RP1: variants seen among roughly 807,000 people sequenced by gnomAD.
RP1 encodes the protein RP1 axonemal microtubule associated.
Under a neutral mutation model 14.8 loss-of-function variants are expected in RP1, and 16 were observed. The ratio of observed to expected loss-of-function variants is 1.08; its 90% confidence interval spans 0.73 to 1.65. The LOEUF (loss-of-function observed/expected upper bound fraction) is 1.65. Among genes scored for constraint, RP1 ranks in the 40% most tolerant of loss-of-function variants. The pLI, the probability that RP1 is intolerant of heterozygous loss-of-function variation, is 0.00. For synonymous variants in RP1, 876 were observed against 883.6 expected, an observed-to-expected ratio of 0.99 and a Z score of 0.15; for missense variants, 2,631 against 2,535.0, an observed-to-expected ratio of 1.04 and a Z score of -0.81.
intron 24 of RP1, among the ~76,000 whole-genome samples, chr8:54,832,367 T>C (rs1811550898): frequency 6.6e-6 from 1 of 151,904 alleles, no homozygotes; most frequent in South Asian, 2.1e-4. Flanking sequence ...TTCTATTAAC[T>C]GTCTTCAAGT....
At chr8:54,758,229 T>C (rs1051098732) in intron 21 of RP1, among the ~76,000 whole-genome samples, 1 of 152,150 alleles carries the variant, frequency 6.6e-6, no homozygotes, top group African/African-American at 2.4e-5. Flanking sequence ...TCGACAACAA[T>C]CTACGAGAAA....
chr8:54,622,424 A>G, intron 3 of RP1, 136 bp downstream of exon 3: 1 of 749,336 alleles, frequency 1.3e-6, no homozygotes, highest in South Asian at 1.6e-5. Flanking sequence ...AAAACATTCT[A>G]AACTGAAATT....
chr8:54,769,859 C>A, exon 23 of RP1: 1 of 1,182,296 alleles, frequency 8.5e-7, no homozygotes, highest in Non-Finnish European at 1.2e-6. Flanking sequence ...TACATCTGGA[C>A]ATCATGGAAC....
At chr8:54,670,706 T>TATA (rs1283419569) in intron 7 of RP1, among the ~76,000 whole-genome samples, 1 of 109,832 alleles carries the variant, frequency 9.1e-6, no homozygotes, top group African/African-American at 3.2e-5. Context: ...TATATATATA[T>TATA]AAAACATTAA....
At chr8:54,853,344 A>G (rs1049214478) in intron 26 of RP1, among the ~76,000 whole-genome samples, 2 of 152,132 alleles carry the variant, frequency 1.3e-5, no homozygotes, top group Admixed American at 6.6e-5. Context: ...GCAGTGAAGG[A>G]AGGCAGAGAG....
intron 1 of RP1, chr8:54,560,736 C>G (rs571097687): frequency 3.3e-5 from 5 of 152,052 alleles, no homozygotes; most frequent in Admixed American, 1.3e-4. Flanking sequence ...CCACAACACA[C>G]AGTGCTTAGC....
intron 22 of RP1, among the ~76,000 whole-genome samples, chr8:54,762,221 G>A (rs537218249): frequency 2.0e-5 from 3 of 152,254 alleles, no homozygotes; most frequent in African/African-American, 7.2e-5. Context: ...GCTCCTTGGA[G>A]TTTCCTCAGA....
chr8:54,681,225 GA>G (rs1162391242), intron 12 of RP1, among the ~76,000 whole-genome samples: 1 of 152,004 alleles, frequency 6.6e-6, no homozygotes, highest in Non-Finnish European at 1.5e-5. Flanking sequence ...TGTTAAATCA[GA>G]AACAGTGAAG....
intron 24 of RP1, among the ~76,000 whole-genome samples, chr8:54,816,625 C>G (rs1811137671): frequency 6.6e-6 from 1 of 152,196 alleles, no homozygotes; most frequent in Admixed American, 6.5e-5. Flanking sequence ...TTCTCTTGCC[C>G]AGACTCATGT....
intron 24 of RP1, among the ~76,000 whole-genome samples, chr8:54,835,485 G>A (rs1015434335): frequency 6.6e-6 from 1 of 152,074 alleles, no homozygotes; most frequent in Non-Finnish European, 1.5e-5. Context: ...ATTTATGATG[G>A]CCAAACTTAG....
Position 54,622,290 on chromosome 8 carries a change from T to G in RP1, c.787+2T>G, listed in dbSNP as rs1489761807. Reference sequence around the variant, plus strand: ...ATGCAAAGTCAGAAAGCAGAAAGAGTAAGTCACTTATTAATATATAGCCCA... The same window carrying G: ...ATGCAAAGTCAGAAAGCAGAAAGAGGAAGTCACTTATTAATATATAGCCCA... On this transcript the variant is annotated splice_donor_variant, in intron 3 of 3. Coordinates refer to ENST00000220676, the MANE Select transcript of RP1 (RefSeq NM_006269.2). LOFTEE classifies it high-confidence loss of function. 2 of 1,613,602 alleles carry G rather than the reference T, an allele frequency of 1.2e-6. No individual in the cohort carries two copies. Among genetic ancestry groups the G allele is most frequent in the Non-Finnish European group, 1.7e-6 (2 of 1,179,882 alleles).
chr8:54,605,585 G>C (rs1245243186), intron 1 of RP1, among the ~76,000 whole-genome samples: 1 of 152,052 alleles, frequency 6.6e-6, no homozygotes, highest in African/African-American at 2.4e-5. Context: ...TTCAGTTCCT[G>C]GATATCCTTG....
downstream of RP1, among the ~76,000 whole-genome samples, chr8:54,635,832 T>G (rs187998488): frequency 4.9e-4 from 74 of 152,248 alleles, no homozygotes; most frequent in African/African-American, 1.7e-3. Flanking sequence ...CTTATTTCTT[T>G]AAATTAGCCC....
intron 24 of RP1, among the ~76,000 whole-genome samples, chr8:54,821,096 C>T (rs1317804828): frequency 6.6e-6 from 1 of 152,076 alleles, no homozygotes; most frequent in African/African-American, 2.4e-5. Flanking sequence ...CAGAAATTAC[C>T]TCCCAGAATG....
intron 24 of RP1, among the ~76,000 whole-genome samples, chr8:54,821,668 C>T (rs1811258851): frequency 6.6e-6 from 1 of 151,844 alleles, no homozygotes; most frequent in Non-Finnish European, 1.5e-5. Flanking sequence ...ATGTGTTAAA[C>T]TGGAAAAAAA....
Position 54,626,820 on chromosome 8 carries a change from G to T in RP1, c.2938G>T (p.Gly980Cys). The stretch of plus-strand genomic sequence containing the variant: ...TAATAAGCACATAACTAAAATTGCC[G>T]GTTTGACAGGAGATAATCTATGTAA... ...ESNKHITKIAGLTGDNLCKEG... is the reference protein window; with the variant it reads ...ESNKHITKIACLTGDNLCKEG... The change falls in exon 4 of 4, where the codon GGT becomes TGT. Residue 980 changes from glycine to cysteine, a missense_variant. Physicochemically the swap from Gly to Cys is radical, Grantham distance 159 (BLOSUM62 -3). Coordinates refer to ENST00000220676, the MANE Select transcript of RP1 (RefSeq NM_006269.2). 1 of 1,613,740 alleles carries T rather than the reference G, an allele frequency of 6.2e-7. No homozygotes were observed. Among genetic ancestry groups the T allele is most frequent in the Non-Finnish European group, 8.5e-7 (1 of 1,179,940 alleles).
intron 15 of RP1, among the ~76,000 whole-genome samples, chr8:54,715,376 A>T (rs1367660334): frequency 3.9e-5 from 6 of 152,196 alleles, no homozygotes; most frequent in Non-Finnish European, 8.8e-5. Context: ...TGAAGCAGAG[A>T]TTTTTAAATG....
At chr8:54,723,405 A>T (rs1000775005) in intron 16 of RP1, among the ~76,000 whole-genome samples, 10 of 152,070 alleles carry the variant, frequency 6.6e-5, no homozygotes, top group South Asian at 4.1e-4. Context: ...GATTTTTTTC[A>T]TCTACAGTTT....
intron 24 of RP1, among the ~76,000 whole-genome samples, chr8:54,787,431 G>A (rs1430864906): frequency 1.3e-5 from 2 of 151,926 alleles, no homozygotes; most frequent in Non-Finnish European, 2.9e-5. Flanking sequence ...GCTGAAATTT[G>A]TTTAATATTG....
Sources: gnomAD v4.1 joint callset for allele counts (sites outside exome capture counted in the v4.1 genomes callset) on GRCh38, gnomAD v4.1.1 for gene constraint, MANE v1.5 for transcripts, NCBI Gene and HGNC (gene_info 2026-07-23, HGNC 2026-07-21) for gene names.